The following PTPRT variants were observed in gnomAD, a reference collection of about 807,000 sequenced individuals.
The protein encoded by PTPRT is receptor-type tyrosine-protein phosphatase T.
Under a neutral mutation model 176.8 loss-of-function variants are expected in PTPRT, and 56 were observed. The ratio of observed to expected loss-of-function variants is 0.32; its 90% CI spans 0.26 to 0.40. The LOEUF is 0.40. PTPRT is among the 10% of genes least tolerant of loss of function. PTPRT has a pLI of 1.00. For missense variants in PTPRT, 1,540 were observed against 1,908.2 expected (o/e 0.81, Z 3.60); for synonymous variants, 783 against 739.0 (o/e 1.06, Z -0.96).
chr20:42,212,060 C>A (rs1210783855), intron 15 of PTPRT, among the ~76,000 whole-genome samples: 3 of 133,140 alleles, frequency 2.3e-5, no homozygotes, highest in African/African-American at 8.2e-5. Flanking sequence ...AAAAACCAAA[C>A]ACCGCATATT....
intron 1 of PTPRT, among the ~76,000 whole-genome samples, chr20:42,922,082 T>G (rs1402073836): frequency 6.6e-6 from 1 of 152,114 alleles, no homozygotes; most frequent in Non-Finnish European, 1.5e-5. Context: ...ACTACAGGCG[T>G]GTACCACCAC....
chr20:42,718,289 G>A (rs1222954356), intron 6 of PTPRT, among the ~76,000 whole-genome samples: 1 of 152,208 alleles, frequency 6.6e-6, no homozygotes, highest in African/African-American at 2.4e-5. Flanking sequence ...TGTAATCCCA[G>A]CACTTTGGGA....
chr20:42,834,194 T>G (rs73271738), intron 2 of PTPRT, among the ~76,000 whole-genome samples: 19 of 152,202 alleles, frequency 1.2e-4, no homozygotes, highest in African/African-American at 4.6e-4. Context: ...GGCAAAAAAT[T>G]TGAGCAAACA....
chr20:42,696,456 T>TGA (rs58080685), intron 6 of PTPRT, among the ~76,000 whole-genome samples: 2 of 118,452 alleles, frequency 1.7e-5, no homozygotes, highest in African/African-American at 8.5e-5. Context: ...GCCACATGAA[T>TGA]TATTTTTTTT....
intron 7 of PTPRT, among the ~76,000 whole-genome samples, chr20:42,551,504 A>T (rs1397688932): frequency 6.6e-6 from 1 of 152,040 alleles, no homozygotes; most frequent in Non-Finnish European, 1.5e-5. Context: ...CTAAACAGAG[A>T]TTTTTTTTGT....
intron 9 of PTPRT, among the ~76,000 whole-genome samples, chr20:42,417,228 C>G (rs1371457593): frequency 6.6e-6 from 1 of 152,120 alleles, no homozygotes. Context: ...TGAAATTCCT[C>G]TTGGCAGATT....
In PTPRT at chr20:42,352,273, C is replaced by A. The variant is rs763915400; in HGVS notation, c.1573G>T (p.Ala525Ser). ...GCACTTGGGTCCAGCGAGCCGACAG[C>A]CTTGTAGTTGATCTGTAGGACAAGC... ...VITLYEINYK[A>S]VGSLDPSADL... Residue 525 changes from alanine to serine, a missense_variant, in exon 10 of 31, where the codon GCT (alanine) becomes TCT (serine). Around this residue, in one of 11 missense-constraint regions of PTPRT, gnomAD observed 136 missense variants for 135.0 expected, o/e 1.01. Transcript: ENST00000373187. 1 of 1,614,156 alleles carries A rather than the reference C, an allele frequency of 6.2e-7. No individual in the cohort carries two copies. Among genetic ancestry groups the A allele is most frequent in the East Asian group, 2.2e-5 (1 of 44,874 alleles).
At position 42,780,268 on chromosome 20, in the gene PTPRT, T is replaced by C. The variant is rs560587491; in HGVS notation, c.518A>G (p.His173Arg). 6.2e-7 allele frequency: 1 copy of C among 1,614,006 alleles called. No individual in the cohort carries two copies. The highest frequency in any genetic ancestry group is 1.1e-5 in the South Asian group (1 of 91,076). ...CTCGTCCACGGCGATGTAGCCAGGA[T>C]GACCCTTCAATGAGACGGATTCAAA... ...VIFESVSLKG[H>R]PGYIAVDEVR... The change falls in exon 4 of 31, where the codon CAT (histidine) becomes CGT (arginine). Residue 173 changes from histidine to arginine, a missense_variant. Around this residue, in one of 11 missense-constraint regions of PTPRT, gnomAD observed 273 missense variants for 432.1 expected, o/e 0.63. Transcript: ENST00000373187.
chr20:42,908,751 T>C (rs1036683391), intron 1 of PTPRT, among the ~76,000 whole-genome samples: 2 of 152,206 alleles, frequency 1.3e-5, no homozygotes, highest in African/African-American at 4.8e-5. Flanking sequence ...TTTCAGGGTA[T>C]TATAAGTGTG....
intron 7 of PTPRT, among the ~76,000 whole-genome samples, chr20:42,574,870 G>C (rs1443880332): frequency 2.6e-5 from 4 of 152,164 alleles, no homozygotes; most frequent in African/African-American, 9.6e-5. Context: ...ATAAGTGTTT[G>C]GCAGCTCCTC....
Position 42,989,183 on chromosome 20 carries a change from G to T in PTPRT, c.89-103251C>A, listed in dbSNP as rs139649422. Reference sequence around the variant, plus strand: ...TTATGTGGGTGGTACTGAGTAAAGGGCTGGGTTTGAACTCTCAACTCCCTG... The same window carrying T: ...TTATGTGGGTGGTACTGAGTAAAGGTCTGGGTTTGAACTCTCAACTCCCTG... On this transcript the variant is annotated intron_variant, in intron 1 of 30. Coordinates refer to ENST00000373187, the MANE Select transcript of PTPRT (RefSeq NM_007050.6). Among the ~76,000 whole-genome samples, 250 of 152,350 alleles carry T rather than the reference G, an allele frequency of 1.6e-3. 1 individual carries two copies. The highest frequency in any genetic ancestry group is 6.8e-3 in the Middle Eastern group (2 of 294).
At chr20:42,267,218 A>G (rs1419249758) in intron 13 of PTPRT, among the ~76,000 whole-genome samples, 3 of 152,240 alleles carry the variant, frequency 2.0e-5, no homozygotes, top group Non-Finnish European at 4.4e-5. Flanking sequence ...AATATAAAAT[A>G]GGCTTTGTGT....
intron 1 of PTPRT, among the ~76,000 whole-genome samples, chr20:42,915,657 T>G (rs1978694553): frequency 6.6e-6 from 1 of 152,206 alleles, no homozygotes; most frequent in African/African-American, 2.4e-5. Context: ...GGTCTCACTC[T>G]GTCACCCAGG....
At chr20:43,044,346 G>A (rs370330045) in intron 1 of PTPRT, among the ~76,000 whole-genome samples, 2 of 152,218 alleles carry the variant, frequency 1.3e-5, no homozygotes, top group South Asian at 2.1e-4. Flanking sequence ...GATAGTGTCC[G>A]CCAGGGAGAC....
rs988269072 is a variant in PTPRT, at chr20:43,155,149, A to G, written c.88+34497T>C. ...TGAAAAACAGTATGGAGGTTCCTCA[A>G]AATATTAAAAATAGAACTGCCATAT... On this transcript the variant is annotated intron_variant, in intron 1 of 30. Transcript: ENST00000373187. Among the ~76,000 whole-genome samples the G allele has an allele frequency of 1.3e-4, 20 of 152,348 alleles. No individual in the cohort carries two copies. The East Asian group carries it at 3.9e-3, about 29-fold the overall frequency.
At chr20:42,674,130 A>C (rs1600587098) in intron 7 of PTPRT, among the ~76,000 whole-genome samples, 1 of 152,202 alleles carries the variant, frequency 6.6e-6, no homozygotes, top group Admixed American at 6.5e-5. Context: ...CCACCTACAA[A>C]TAGATACCAG....
chr20:42,134,952 T>C (rs1221901696), intron 18 of PTPRT, among the ~76,000 whole-genome samples: 1 of 152,170 alleles, frequency 6.6e-6, no homozygotes, highest in Non-Finnish European at 1.5e-5. Flanking sequence ...AAATGCACTG[T>C]GTTCACTCTG....
In PTPRT at chr20:42,352,239, G is replaced by A. The variant is rs192708116; in HGVS notation, c.1607C>T (p.Ser536Leu). 78 of 1,614,142 alleles carry A rather than the reference G, an allele frequency of 4.8e-5. No individual in the cohort carries two copies. In the East Asian group the frequency reaches 1.5e-3, roughly 30 times the overall value. ...VGSLDPSADLSSQRGKVFKLR... is the reference protein window; with the variant it reads ...VGSLDPSADLLSQRGKVFKLR... ...CTTGAACACTTTCCCCCTCTGGCTC[G>A]AGAGGTCAGCACTTGGGTCCAGCGA... The change falls in exon 10 of 31, where the codon TCG becomes TTG. Residue 536 changes from serine (S) to leucine (L), a missense_variant. Coordinates refer to ENST00000373187, the MANE Select transcript of PTPRT (RefSeq NM_007050.6).
At chr20:43,083,369 T>TATATATATAA (rs1568774368) in intron 1 of PTPRT, among the ~76,000 whole-genome samples, 2 of 110,230 alleles carry the variant, frequency 1.8e-5, no homozygotes, top group African/African-American at 8.1e-5. Context: ...TATATATATA[T>TATATATATAA]ACATTTTTTG....
Sources: allele counts gnomAD v4.1 joint callset (sites outside exome capture counted in the v4.1 genomes callset), GRCh38; gene constraint gnomAD v4.1.1; regional missense constraint gnomAD v4.1.1; transcripts MANE v1.5; gene names NCBI Gene and HGNC (gene_info 2026-07-23, HGNC 2026-07-21).